The following CEP128 variants were observed in gnomAD, a reference collection of about 807,000 sequenced individuals.
The protein encoded by CEP128 is centrosomal protein 128kDa.
A neutral mutation model predicts 156.7 loss-of-function variants in CEP128; 132 were observed. The ratio of observed to expected loss-of-function variants is 0.84; its 90% confidence interval spans 0.73 to 0.97. The LOEUF (loss-of-function observed/expected upper bound fraction) is 0.97. Ranked by LOEUF, CEP128 falls within the 50% of genes least tolerant of loss-of-function variation. CEP128 has a pLI of 0.00. For missense variants in CEP128, 1,252 were observed against 1,281.9 expected, an observed-to-expected ratio of 0.98 and a Z score of 0.36; for synonymous variants, 469 against 448.9, an observed-to-expected ratio of 1.04 and a Z score of -0.57.
intron 19 of CEP128, among the ~76,000 whole-genome samples, chr14:80,647,056 T>C (rs1566831567): frequency 0.065 from 765 of 11,792 alleles, 65 homozygotes; most frequent in East Asian, 0.08. Context: ...TATATATATA[T>C]ATATATATAT....
intron 14 of CEP128, among the ~76,000 whole-genome samples, chr14:80,791,752 T>C (rs1901715827): frequency 6.6e-6 from 1 of 152,076 alleles, no homozygotes; most frequent in South Asian, 2.1e-4. Context: ...GAGTGCAAAA[T>C]GATCATTTCT....
intron 8 of CEP128, among the ~76,000 whole-genome samples, chr14:80,873,036 G>T (rs748192164): frequency 8.5e-5 from 13 of 152,326 alleles, no homozygotes; most frequent in Admixed American, 3.9e-4. Context: ...ACAAAACAAG[G>T]TGTAACATCA....
intron 17 of CEP128, among the ~76,000 whole-genome samples, chr14:80,760,879 T>C (rs1340941514): frequency 2.0e-5 from 3 of 152,120 alleles, no homozygotes; most frequent in Non-Finnish European, 4.4e-5. Context: ...ATAGTGGTTA[T>C]TAATTTAGGT....
chr14:80,601,871 GGC>G (rs962689006), intron 19 of CEP128, among the ~76,000 whole-genome samples: 10 of 90,144 alleles, frequency 1.1e-4, no homozygotes, highest in African/African-American at 8.0e-4. Context: ...GTTCTTAAGT[GGC>G]ACACATAACT....
Position 80,559,307 on chromosome 14 carries a change from A to C in CEP128, c.2857-5T>G. On this transcript the variant is annotated splice_region_variant and splice_polypyrimidine_tract_variant and intron_variant, in intron 20 of 24. Transcript: ENST00000555265. ...TTCTAATGCAATTACACGGTCCTGC[A>C]AAGAAAGCATAATATATAATTATAA... 1 of 1,597,936 alleles carries C rather than the reference A, an allele frequency of 6.3e-7. No homozygotes were observed. The highest frequency in any genetic ancestry group is 8.5e-7 in the Non-Finnish European group (1 of 1,174,022).
intron 21 of CEP128, among the ~76,000 whole-genome samples, chr14:80,538,685 G>A (rs1477038625): frequency 1.3e-5 from 2 of 152,224 alleles, no homozygotes; most frequent in African/African-American, 4.8e-5. Context: ...AATTCAGCAC[G>A]CATATCATCA....
At chr14:80,695,960 C>T (rs948252887) in intron 19 of CEP128, among the ~76,000 whole-genome samples, 1 of 152,084 alleles carries the variant, frequency 6.6e-6, no homozygotes, top group Non-Finnish European at 1.5e-5. Flanking sequence ...CTCAAACAAA[C>T]ACTCTGGCTT....
intron 14 of CEP128, among the ~76,000 whole-genome samples, chr14:80,482,385 A>G (rs886921723): frequency 3.9e-5 from 6 of 152,232 alleles, no homozygotes; most frequent in Admixed American, 3.9e-4. Flanking sequence ...TGTGTTGTCC[A>G]GAACCATGCA....
chr14:80,655,737 CTGG>C (rs1248385792), intron 19 of CEP128, among the ~76,000 whole-genome samples: 4 of 152,108 alleles, frequency 2.6e-5, no homozygotes, highest in Non-Finnish European at 5.9e-5. Context: ...TAGATGGGTG[CTGG>C]TGGTGGTTAT....
rs192436988 is a variant in CEP128, at chr14:80,800,029, T to A, written c.1210-6919A>T. 2.2e-3 allele frequency among the ~76,000 whole-genome samples: 335 copies of A among 152,246 alleles called. 1 individual carries two copies. Among genetic ancestry groups the A allele is most frequent in the African/African-American group, 7.7e-3 (320 of 41,552 alleles). Reference sequence around the variant, plus strand: ...GCTTTTTGCCTTTTGAAGCATGTGATCTTTGTACCTACTCCCTGTTTTACA... The same window carrying A: ...GCTTTTTGCCTTTTGAAGCATGTGAACTTTGTACCTACTCCCTGTTTTACA... On this transcript the variant is annotated intron_variant, in intron 13 of 24. Coordinates refer to ENST00000555265, the MANE Select transcript of CEP128 (RefSeq NM_152446.5).
At chr14:80,732,129 T>C (rs1385549277) in intron 19 of CEP128, among the ~76,000 whole-genome samples, 2 of 152,236 alleles carry the variant, frequency 1.3e-5, no homozygotes, top group East Asian at 1.9e-4. Flanking sequence ...ATATAAAACA[T>C]GGTACCAGAT....
intron 6 of CEP128, among the ~76,000 whole-genome samples, chr14:80,901,143 T>C (rs1490353796): frequency 1.3e-5 from 2 of 151,942 alleles, no homozygotes; most frequent in Admixed American, 6.5e-5. Context: ...GAGGCGGAGC[T>C]TGCAGTGAGC....
intron 16 of CEP128, among the ~76,000 whole-genome samples, chr14:80,768,025 T>C (rs1364870169): frequency 6.6e-6 from 1 of 152,180 alleles, no homozygotes; most frequent in Non-Finnish European, 1.5e-5. Flanking sequence ...TCATAAATCT[T>C]GCTAAAACAT....
intron 2 of CEP128, among the ~76,000 whole-genome samples, chr14:80,929,899 G>A (rs949054751): frequency 2.0e-5 from 3 of 152,204 alleles, no homozygotes; most frequent in Admixed American, 1.3e-4. Flanking sequence ...CTACCAGTCC[G>A]TGGCCTGTTA....
intron 9 of CEP128, among the ~76,000 whole-genome samples, chr14:80,851,894 T>C (rs776576442): frequency 6.6e-6 from 1 of 152,002 alleles, no homozygotes; most frequent in Non-Finnish European, 1.5e-5. Flanking sequence ...ATTTTTTAAA[T>C]AATTGACCAA....
intron 16 of CEP128, among the ~76,000 whole-genome samples, chr14:80,767,126 A>T (rs1900277857): frequency 6.6e-6 from 1 of 152,148 alleles, no homozygotes; most frequent in Admixed American, 6.5e-5. Context: ...TTATACCAAC[A>T]GTTGACTCAG....
chr14:80,570,543 T>C (rs1566786430), intron 20 of CEP128, among the ~76,000 whole-genome samples: 1 of 152,144 alleles, frequency 6.6e-6, no homozygotes, highest in Non-Finnish European at 1.5e-5. Flanking sequence ...TGTGATTAAA[T>C]GTAGGGGGTC....
chr14:80,620,017 C>T (rs1026230718), intron 19 of CEP128, among the ~76,000 whole-genome samples: 2 of 151,786 alleles, frequency 1.3e-5, no homozygotes, highest in Non-Finnish European at 2.9e-5. Context: ...CCCAGCTATT[C>T]GGGAGGGTGA....
intron 20 of CEP128, among the ~76,000 whole-genome samples, chr14:80,576,570 C>G (rs376059356): frequency 4.6e-5 from 7 of 152,196 alleles, no homozygotes; most frequent in South Asian, 2.1e-4. Context: ...CTCCACCCCC[C>G]CTGCCGTTTT....
Sources: allele counts gnomAD v4.1 joint callset (sites outside exome capture counted in the v4.1 genomes callset), GRCh38; gene constraint gnomAD v4.1.1; transcripts MANE v1.5; gene names NCBI Gene and HGNC (gene_info 2026-07-23, HGNC 2026-07-21).